CCDC178: variants seen among roughly 807,000 people sequenced by gnomAD.
CCDC178 encodes the protein coiled-coil domain containing 178, also known as coiled-coil domain-containing protein 178.
In CCDC178, 126 loss-of-function variants were observed where a neutral mutation model predicts 117.4. That is an observed-to-expected ratio of 1.07 (90% confidence interval 0.93 to 1.24). CCDC178 has a LOEUF of 1.24. Ranked by LOEUF, CCDC178 falls within the 50% of genes most tolerant of loss-of-function variation. CCDC178 has a pLI of 0.00. For missense variants in CCDC178, 1,030 were observed against 986.9 expected (o/e 1.04, Z -0.59); for synonymous variants, 283 against 313.4 (o/e 0.90, Z 1.02).
chr18:33,005,149 A>G (rs544931968), intron 21 of CCDC178, among the ~76,000 whole-genome samples: 20 of 152,282 alleles, frequency 1.3e-4, no homozygotes, highest in African/African-American at 4.1e-4. Context: ...AGTATATTGA[A>G]GAGATATCTG....
chr18:33,257,590 G>A (rs2059696326), intron 14 of CCDC178, among the ~76,000 whole-genome samples: 1 of 152,052 alleles, frequency 6.6e-6, no homozygotes, highest in African/African-American at 2.4e-5. Flanking sequence ...TTACTTGCCT[G>A]TAAGCCCAGC....
At chr18:33,318,575 C>T (rs2062454253) in intron 11 of CCDC178, among the ~76,000 whole-genome samples, 1 of 152,032 alleles carries the variant, frequency 6.6e-6, no homozygotes, top group African/African-American at 2.4e-5. Flanking sequence ...TTAATTTGAG[C>T]ACAAGACATA....
At chr18:33,248,334 A>C (rs1303102123) in intron 14 of CCDC178, among the ~76,000 whole-genome samples, 1 of 151,946 alleles carries the variant, frequency 6.6e-6, no homozygotes, top group African/African-American at 2.4e-5. Flanking sequence ...CAGGTTTGTT[A>C]CATATGTATA....
intron 21 of CCDC178, among the ~76,000 whole-genome samples, chr18:33,080,725 C>A (rs1175829914): frequency 6.6e-6 from 1 of 152,096 alleles, no homozygotes; most frequent in African/African-American, 2.4e-5. Context: ...TCAGTTGTTT[C>A]ATGGTGTTTT....
At position 32,937,701 on chromosome 18, in the gene CCDC178, C is replaced by T. The variant is rs371944369; in HGVS notation, c.*310G>A. On this transcript the variant is annotated 3_prime_UTR_variant, in exon 23 of 23. Coordinates refer to ENST00000383096, the MANE Select transcript of CCDC178 (RefSeq NM_001105528.4). ...GGGAAGCGAACAGTCACTGTCAACACCGCCAGTAATTATTCTCTCTTCCAA... is the reference window on the plus strand; with the variant it reads ...GGGAAGCGAACAGTCACTGTCAACATCGCCAGTAATTATTCTCTCTTCCAA... 1 of 303,950 alleles carries T rather than the reference C, an allele frequency of 3.3e-6. No homozygotes were observed. 18.8% of individuals were successfully genotyped at this position (303,950 alleles called of 1,614,324 possible).
intron 21 of CCDC178, among the ~76,000 whole-genome samples, chr18:33,085,140 A>G (rs542113536): frequency 6.6e-6 from 1 of 152,210 alleles, no homozygotes; most frequent in Non-Finnish European, 1.5e-5. Flanking sequence ...ATAATCATAT[A>G]ATCACACTAC....
intron 20 of CCDC178, among the ~76,000 whole-genome samples, chr18:33,135,203 T>C (rs973721833): frequency 2.0e-5 from 3 of 152,116 alleles, no homozygotes; most frequent in African/African-American, 7.2e-5. Flanking sequence ...ACCTTGGATT[T>C]ATTGGCACAG....
chr18:33,296,504 A>G (rs1224458435), intron 11 of CCDC178, among the ~76,000 whole-genome samples: 1 of 152,110 alleles, frequency 6.6e-6, no homozygotes, highest in African/African-American at 2.4e-5. Context: ...AATACAAGAT[A>G]CTCCCATTGG....
intron 21 of CCDC178, among the ~76,000 whole-genome samples, chr18:33,058,896 T>C (rs1430344645): frequency 6.6e-6 from 1 of 152,194 alleles, no homozygotes; most frequent in African/African-American, 2.4e-5. Context: ...ATTTTGAAGA[T>C]GAAATGTGAT....
chr18:32,975,346 G>C (rs2055009016), intron 21 of CCDC178, among the ~76,000 whole-genome samples: 1 of 152,094 alleles, frequency 6.6e-6, no homozygotes, highest in Non-Finnish European at 1.5e-5. Flanking sequence ...GTTAAGAAGT[G>C]ACATGTTTAA....
chr18:33,192,073 A>T (rs1308238449), intron 20 of CCDC178, among the ~76,000 whole-genome samples: 1 of 152,198 alleles, frequency 6.6e-6, no homozygotes, highest in African/African-American at 2.4e-5. Context: ...TTGAATTTAA[A>T]TAAATAAATA....
At chr18:33,368,478 C>T (rs2063248715) in intron 6 of CCDC178, among the ~76,000 whole-genome samples, 1 of 151,780 alleles carries the variant, frequency 6.6e-6, no homozygotes. Flanking sequence ...ATGAGAATAG[C>T]TCTTTTTTTC....
chr18:33,039,352 C>G (rs1295008428), intron 21 of CCDC178, among the ~76,000 whole-genome samples: 1 of 151,938 alleles, frequency 6.6e-6, no homozygotes, highest in Non-Finnish European at 1.5e-5. Context: ...GGTGAGCAAA[C>G]AAATCATACA....
Position 33,389,549 on chromosome 18 carries a change from T to G in CCDC178, c.199A>C (p.Asn67His), listed in dbSNP as rs2063539256. The G allele has an allele frequency of 1.3e-6, 2 of 1,504,600 alleles. No individual in the cohort carries two copies. 93.2% of individuals were successfully genotyped at this position (1,504,600 alleles called of 1,614,324 possible). Residue 67 changes from asparagine to histidine, a missense_variant, in exon 5 of 23, where the codon AAT (asparagine) becomes CAT (histidine). Coordinates refer to ENST00000383096, the MANE Select transcript of CCDC178 (RefSeq NM_001105528.4). The part of the protein sequence containing the change: ...SEGFHESKMT[N>H]TEGVNKGIYF... ...TACATTCAGTCCTCACCTTCAGTAT[T>G]TGTCATTTTACTTTCATGAAAACCT... is the stretch of plus-strand genomic sequence containing the variant.
intron 15 of CCDC178, among the ~76,000 whole-genome samples, chr18:33,227,859 T>C (rs1258101486): frequency 2.0e-5 from 3 of 152,132 alleles, no homozygotes; most frequent in Non-Finnish European, 4.4e-5. Context: ...TACTTAAGGA[T>C]ATATCTACAT....
chr18:32,981,318 C>T (rs571654644), intron 21 of CCDC178, among the ~76,000 whole-genome samples: 94 of 151,972 alleles, frequency 6.2e-4, no homozygotes, highest in Admixed American at 3.7e-3. Context: ...GAATGGTAAA[C>T]ACAAAAGGTT....
At chr18:33,367,436 T>A (rs1194987372) in intron 6 of CCDC178, among the ~76,000 whole-genome samples, 1 of 152,206 alleles carries the variant, frequency 6.6e-6, no homozygotes, top group East Asian at 1.9e-4. Flanking sequence ...TCAGAAGCTA[T>A]CTTTCAAAGA....
In CCDC178 at chr18:33,361,009, C is replaced by A. The variant is rs117410837; in HGVS notation, c.349-4663G>T. Among the ~76,000 whole-genome samples the A allele has an allele frequency of 3.7e-4, 56 of 151,114 alleles. 1 individual carries two copies. The East Asian group carries it at 0.011, about 29-fold the overall frequency. ...AAAAGAATATAAAATTAATATAGAGCCATAAAAAAACACCAAAAGTCCCAA... is the reference window on the plus strand; with the variant it reads ...AAAAGAATATAAAATTAATATAGAGACATAAAAAAACACCAAAAGTCCCAA... On this transcript the variant is annotated intron_variant, in intron 6 of 22. Coordinates refer to ENST00000383096, the MANE Select transcript of CCDC178 (RefSeq NM_001105528.4).
intron 12 of CCDC178, among the ~76,000 whole-genome samples, chr18:33,288,908 G>T (rs1191043554): frequency 1.3e-5 from 2 of 152,162 alleles, no homozygotes; most frequent in Non-Finnish European, 2.9e-5. Context: ...GTTTCAGGTG[G>T]TTAGAGTATA....
Sources: allele counts gnomAD v4.1 joint callset (sites outside exome capture counted in the v4.1 genomes callset), GRCh38; gene constraint gnomAD v4.1.1; transcripts MANE v1.5; gene names NCBI Gene and HGNC (gene_info 2026-07-23, HGNC 2026-07-21).